The following MTRR variants were observed in gnomAD, a reference collection of about 807,000 sequenced individuals.
MTRR encodes the protein 5-methyltetrahydrofolate-homocysteine methyltransferase reductase, also known as methionine synthase reductase.
Under a neutral mutation model 79.2 loss-of-function variants are expected in MTRR, and 63 were observed. The ratio of observed to expected loss-of-function variants is 0.80; its 90% CI spans 0.65 to 0.98. The LOEUF is 0.98. MTRR is among the 50% of genes least tolerant of loss of function. The pLI is 0.00. For missense variants in MTRR, 895 were observed against 839.6 expected (o/e 1.07, Z -0.82); for synonymous variants, 355 against 313.3 (o/e 1.13, Z -1.41).
intron 2 of MTRR, among the ~76,000 whole-genome samples, chr5:7,862,320 GC>G (rs760864215): frequency 5.9e-5 from 9 of 152,132 alleles, no homozygotes; most frequent in African/African-American, 9.7e-5. Context: ...TTATAATGGT[GC>G]TGTCCAATTT....
chr5:7,869,319 C>A (rs533761976), intron 1 of MTRR, 104 bp downstream of exon 1: 6 of 1,413,960 alleles, frequency 4.2e-6, no homozygotes, highest in Non-Finnish European at 5.9e-6. Flanking sequence ...GGCTTGCGCC[C>A]GTGGTTCCCA....
chr5:7,882,924 C>G (rs1050820728), intron 5 of MTRR, among the ~76,000 whole-genome samples: 4 of 152,068 alleles, frequency 2.6e-5, no homozygotes, highest in Non-Finnish European at 5.9e-5. Context: ...TTTTTATTTT[C>G]TATTTGTATT....
chr5:7,896,861 TAG>T lies in MTRR; in HGVS notation c.1680_1681del. On this transcript the variant is annotated splice_acceptor_variant, in intron 12 of 14. Coordinates refer to ENST00000440940, the MANE Select transcript of MTRR (RefSeq NM_002454.3). LOFTEE classifies it high-confidence loss of function. ...CACCTAAACTTTTTTTTTTTCCACT[TAG>T]AGAGAAACTCCAAGAACAACACCCA... is the stretch of plus-strand genomic sequence containing the variant. 6.2e-7 allele frequency: 1 copy of T among 1,613,796 alleles called. No homozygotes were observed. The highest frequency in any genetic ancestry group is 1.7e-5 in the Admixed American group (1 of 60,002).
intron 1 of MTRR, among the ~76,000 whole-genome samples, chr5:7,857,682 G>A (rs1167925120): frequency 6.6e-6 from 1 of 152,192 alleles, no homozygotes; most frequent in East Asian, 1.9e-4. Flanking sequence ...CACTCCCATC[G>A]CCTGCTCACT....
At chr5:7,884,381 A>T (rs1736074065) in intron 6 of MTRR, among the ~76,000 whole-genome samples, 1 of 152,226 alleles carries the variant, frequency 6.6e-6, no homozygotes, top group African/African-American at 2.4e-5. Flanking sequence ...AAAATGTTAC[A>T]GTATTTGTAT....
intron 14 of MTRR, among the ~76,000 whole-genome samples, chr5:7,897,880 A>G (rs1047832998): frequency 3.9e-5 from 6 of 152,156 alleles, no homozygotes; most frequent in South Asian, 2.1e-4. Context: ...TCATCCAAAC[A>G]CATTCCTAGG....
intron 2 of MTRR, 27 bp downstream of exon 2, chr5:7,870,950 C>T (rs1341025526): frequency 6.8e-6 from 11 of 1,613,706 alleles, no homozygotes; most frequent in Admixed American, 5.0e-5. Flanking sequence ...TGGATTTTAC[C>T]GTTTTGTGCT....
chr5:7,869,164 A>G lies in MTRR; in HGVS notation c.-77A>G. 1.2e-6 allele frequency: 2 copies of G among 1,612,764 alleles called. No individual in the cohort carries two copies. Among genetic ancestry groups the G allele is most frequent in the Non-Finnish European group, 1.7e-6 (2 of 1,179,810 alleles). ...CGCTGCGTCAGTGCGCGCTGGCGCA[A>G]GGTTGGTGGAAGTCGCGTTGTGCAG... On this transcript the variant is annotated 5_prime_UTR_variant, in exon 1 of 15. Coordinates refer to ENST00000440940, the MANE Select transcript of MTRR (RefSeq NM_002454.3).
At chr5:7,869,316 G>T in intron 1 of MTRR, 101 bp downstream of exon 1, 1 of 1,439,110 alleles carries the variant, frequency 6.9e-7, no homozygotes, top group Non-Finnish European at 9.6e-7. Context: ...GCCGGCTTGC[G>T]CCCGTGGTTC....
chr5:7,892,581 G>A (rs144858652), intron 10 of MTRR, 146 bp from the exon 11 acceptor site: 328 of 872,532 alleles, frequency 3.8e-4, no homozygotes, highest in African/African-American at 3.6e-3. Flanking sequence ...TTTTAATTAC[G>A]TAATAATGGC....
intron 9 of MTRR, among the ~76,000 whole-genome samples, chr5:7,889,776 C>T (rs1737239045): frequency 6.6e-6 from 1 of 152,164 alleles, no homozygotes; most frequent in Non-Finnish European, 1.5e-5. Context: ...AAGTCCAGAT[C>T]GAGGGTCCTT....
chr5:7,868,299 A>G (rs1747207241), upstream of MTRR: 2 of 494,696 alleles, frequency 4.0e-6, no homozygotes, highest in African/African-American at 2.0e-5. Context: ...ACATTGAACA[A>G]TAACAATCGC....
chr5:7,888,788 T>C (rs1350179398), intron 8 of MTRR, among the ~76,000 whole-genome samples: 3 of 152,246 alleles, frequency 2.0e-5, no homozygotes, highest in Non-Finnish European at 4.4e-5. Flanking sequence ...ATTAATAACT[T>C]GTAATTGCAT....
chr5:7,878,080 G>A lies in MTRR; in HGVS notation c.538G>A (p.Val180Met), dbSNP rs143978300. 18 of 1,613,876 alleles carry A rather than the reference G, an allele frequency of 1.1e-5. No individual in the cohort carries two copies. In the East Asian group the frequency reaches 1.8e-4, roughly 16 times the overall value. Residue 180 changes from valine to methionine, a missense_variant, in exon 5 of 15, where the codon GTG (valine) becomes ATG (methionine). Coordinates refer to ENST00000440940, the MANE Select transcript of MTRR (RefSeq NM_002454.3). ...ASPASSRTDL[V>M]KSELLHIESQ... ...ACCTGCATCCTCGAGGACAGACCTT[G>A]TGAAGTCAGAGCTGCTACACATTGA...
At chr5:7,867,631 T>C (rs755999453), upstream of MTRR, 1 of 1,614,256 alleles carries the variant, frequency 6.2e-7, no homozygotes, top group Non-Finnish European at 8.5e-7. Flanking sequence ...CCAGTATTTC[T>C]TTTGGCAGCC....
At chr5:7,860,564 A>C (rs1746465171) in intron 1 of MTRR, among the ~76,000 whole-genome samples, 2 of 152,228 alleles carry the variant, frequency 1.3e-5, no homozygotes, top group South Asian at 4.1e-4. Flanking sequence ...TCTGTATTTC[A>C]AAATATAAGT....
chr5:7,853,517 G>T (rs1038804238), intron 1 of MTRR, among the ~76,000 whole-genome samples: 1 of 152,232 alleles, frequency 6.6e-6, no homozygotes, highest in African/African-American at 2.4e-5. Context: ...TCTGAGACAA[G>T]GGCCTGAGTT....
intron 1 of MTRR, chr5:7,859,577 C>A: frequency 7.4e-7 from 1 of 1,343,318 alleles, no homozygotes; most frequent in Non-Finnish European, 1.0e-6. Context: ...CAAGATCCTT[C>A]AAAATCTGAG....
At chr5:7,879,604 T>C (rs1403505558) in intron 5 of MTRR, among the ~76,000 whole-genome samples, 1 of 151,564 alleles carries the variant, frequency 6.6e-6, no homozygotes, top group Non-Finnish European at 1.5e-5. Context: ...TATGAAATAA[T>C]ATACTGAGAG....
Sources: gnomAD v4.1 joint callset for allele counts (sites outside exome capture counted in the v4.1 genomes callset) on GRCh38, gnomAD v4.1.1 for gene constraint, MANE v1.5 for transcripts, NCBI Gene and HGNC (gene_info 2026-07-23, HGNC 2026-07-21) for gene names.